The following JMJD1C variants were observed in gnomAD, a reference collection of about 807,000 sequenced individuals.
JMJD1C encodes the protein jumonji domain-containing protein 1C.
Under a neutral mutation model 245.3 loss-of-function variants are expected in JMJD1C, and 31 were observed. The observed-to-expected ratio is 0.13, with a 90% CI of 0.09 to 0.17. The LOEUF (loss-of-function observed/expected upper bound fraction) is 0.17, where lower values mean the gene tolerates loss of function less well. JMJD1C is among the 10% of genes least tolerant of loss of function. The pLI is 1.00. For missense variants in JMJD1C, 2,691 were observed against 3,000.2 expected (o/e 0.90, Z 2.41); for synonymous variants, 1,057 against 1,017.4 (o/e 1.04, Z -0.74).
chr10:63,480,483 T>C (rs1953797937), intron 1 of JMJD1C, among the ~76,000 whole-genome samples: 1 of 152,042 alleles, frequency 6.6e-6, no homozygotes, highest in Non-Finnish European at 1.5e-5. Flanking sequence ...ACACCTGGCC[T>C]AAACTATAGT....
intron 3 of JMJD1C, among the ~76,000 whole-genome samples, chr10:63,243,852 C>T (rs749167108): frequency 4.1e-4 from 62 of 152,222 alleles, no homozygotes; most frequent in Non-Finnish European, 8.1e-4. Flanking sequence ...GAGAATTGGA[C>T]TTTCTATTTA....
intron 1 of JMJD1C, among the ~76,000 whole-genome samples, chr10:63,461,205 G>A (rs546325720): frequency 1.3e-5 from 2 of 152,256 alleles, no homozygotes; most frequent in African/African-American, 4.8e-5. Context: ...GTGAAAAATA[G>A]TTGGCATACT....
intron 3 of JMJD1C, among the ~76,000 whole-genome samples, chr10:63,221,533 G>A (rs970935367): frequency 6.6e-6 from 1 of 152,158 alleles, no homozygotes; most frequent in African/African-American, 2.4e-5. Flanking sequence ...GGCAAAATCT[G>A]TCATTTTGGG....
chr10:63,206,358 A>G (rs1846620487), intron 10 of JMJD1C, among the ~76,000 whole-genome samples: 1 of 152,220 alleles, frequency 6.6e-6, no homozygotes. Context: ...CTGTCAGGTA[A>G]GATATATATT....
At chr10:63,515,859 CCT>C (rs1955001624) in intron 1 of JMJD1C, among the ~76,000 whole-genome samples, 1 of 151,976 alleles carries the variant, frequency 6.6e-6, no homozygotes, top group Non-Finnish European at 1.5e-5. Context: ...GACAAAAAAC[CCT>C]CTGTCAGGTT....
chr10:63,278,562 A>AAAC (rs1564725904), intron 2 of JMJD1C, among the ~76,000 whole-genome samples: 5 of 147,896 alleles, frequency 3.4e-5, no homozygotes, highest in Admixed American at 2.0e-4. Context: ...AACAAACAAA[A>AAAC]AAAAGAGTAC....
intron 2 of JMJD1C, among the ~76,000 whole-genome samples, chr10:63,268,000 C>T (rs1855820220): frequency 6.6e-6 from 1 of 151,944 alleles, no homozygotes; most frequent in South Asian, 2.1e-4. Context: ...CACAACTCAG[C>T]TGCTCAAACA....
intron 1 of JMJD1C, among the ~76,000 whole-genome samples, chr10:63,451,381 A>T (rs1437544753): frequency 6.6e-5 from 10 of 152,164 alleles, no homozygotes; most frequent in Non-Finnish European, 2.9e-5. Context: ...AACTTACTAC[A>T]AACCCACAGT....
intron 2 of JMJD1C, among the ~76,000 whole-genome samples, chr10:63,340,510 TATTAAAAAGAGAGAAGGC>T (rs1184097631): frequency 6.6e-6 from 1 of 152,238 alleles, no homozygotes; most frequent in East Asian, 1.9e-4. Flanking sequence ...GGGTAACGGT[TATTAAAAAGAGAGAAGGC>T]ATTTATGTTT....
At chr10:63,488,525 A>C (rs1303963846) in intron 1 of JMJD1C, among the ~76,000 whole-genome samples, 1 of 105,220 alleles carries the variant, frequency 9.5e-6, no homozygotes, top group Non-Finnish European at 2.0e-5. Flanking sequence ...TTTCAAAATG[A>C]GTTGAAAATG....
At chr10:63,230,371 T>A (rs1849811895) in intron 3 of JMJD1C, among the ~76,000 whole-genome samples, 1 of 152,084 alleles carries the variant, frequency 6.6e-6, no homozygotes, top group Admixed American at 6.5e-5. Context: ...AGACTCTGTT[T>A]CGAAAAAATT....
intron 1 of JMJD1C, among the ~76,000 whole-genome samples, chr10:63,519,461 C>T (rs1488370500): frequency 6.6e-6 from 1 of 152,176 alleles, no homozygotes; most frequent in South Asian, 2.1e-4. Flanking sequence ...TTTTATTGGA[C>T]GTTTACCCTA....
rs576145342 is a variant in JMJD1C, at chr10:63,412,994, T to C, written c.169-32512A>G. ...ATACGAGGGATGATATTGATTTAAT[T>C]AAAATAAATAAGAAAAAGCCGAAAC... On this transcript the variant is annotated intron_variant, in intron 1 of 25. Coordinates refer to ENST00000399262, the MANE Select transcript of JMJD1C (RefSeq NM_032776.3). Among the ~76,000 whole-genome samples the C allele has an allele frequency of 2.6e-5, 4 of 152,078 alleles. No homozygotes were observed. The East Asian group carries it at 5.8e-4, about 22-fold the overall frequency.
At chr10:63,267,737 AGAGT>A (rs1329681923) in intron 2 of JMJD1C, among the ~76,000 whole-genome samples, 2 of 152,206 alleles carry the variant, frequency 1.3e-5, no homozygotes, top group Non-Finnish European at 2.9e-5. Flanking sequence ...CAATTTTATT[AGAGT>A]GAGAGTTTTT....
rs375290200 is a variant in JMJD1C at position 63,208,568 on chromosome 10, G to A, written c.3101C>T (p.Pro1034Leu). The A allele has an allele frequency of 9.3e-6, 15 of 1,613,830 alleles. No individual in the cohort carries two copies. In the African/African-American group the frequency reaches 1.6e-4, roughly 17 times the overall value. ...RILQESIDVA[P>L]FTTKIKGLEG... is the part of the protein sequence containing the mutation. ...AAGTCCCTTGATTTTAGTTGTAAAG[G>A]GAGCAACATCAATACTTTCTTGAAG... The change falls in exon 10 of 26, where the codon CCC becomes CTC. Residue 1034 changes from proline (P) to leucine (L), a missense_variant. Around this residue, in one of 9 missense-constraint regions of JMJD1C, gnomAD observed 1,562 missense variants for 1,490.7 expected, o/e 1.05. Coordinates refer to ENST00000399262, the MANE Select transcript of JMJD1C (RefSeq NM_032776.3).
At position 63,215,379 on chromosome 10, in the gene JMJD1C, G is replaced by A. The variant is rs34430682; in HGVS notation, c.899C>T (p.Thr300Ile). ...ACTTCTTTGTTGCTGTTGCTGGTGT[G>A]TATTCTGTTTTGGTACAGCAGCTTG... The part of the protein sequence containing the change: ...NSQAAVPKQN[T>I]HQQQQQRSIR... The change falls in exon 7 of 26, where the codon ACA (threonine) becomes ATA (isoleucine). Residue 300 changes from threonine (T) to isoleucine (I), a missense_variant. Physicochemically the swap from Thr to Ile is moderately conservative, Grantham distance 89 (BLOSUM62 -1). Coordinates refer to ENST00000399262, the MANE Select transcript of JMJD1C (RefSeq NM_032776.3). 1 of 1,614,056 alleles carries A rather than the reference G, an allele frequency of 6.2e-7. No homozygotes were observed. The highest frequency in any genetic ancestry group is 8.5e-7 in the Non-Finnish European group (1 of 1,179,998).
chr10:63,299,886 A>G (rs1260605448), intron 2 of JMJD1C, among the ~76,000 whole-genome samples: 2 of 150,314 alleles, frequency 1.3e-5, no homozygotes, highest in Non-Finnish European at 3.0e-5. Flanking sequence ...TTGAATTTTC[A>G]GTTTTTTTTT....
chr10:63,253,603 T>TTTGAACTC (rs1309443396), intron 3 of JMJD1C, among the ~76,000 whole-genome samples: 1 of 152,060 alleles, frequency 6.6e-6, no homozygotes, highest in African/African-American at 2.4e-5. Context: ...CTAGGCTGGT[T>TTTGAACTC]TTGAACTCCT....
At chr10:63,305,165 G>A (rs565535365) in intron 2 of JMJD1C, among the ~76,000 whole-genome samples, 20 of 151,866 alleles carry the variant, frequency 1.3e-4, no homozygotes, top group African/African-American at 2.2e-4. Context: ...TCAGGAGATC[G>A]AGACCATCCT....
Sources: allele counts gnomAD v4.1 joint callset (sites outside exome capture counted in the v4.1 genomes callset), GRCh38; gene constraint gnomAD v4.1.1; regional missense constraint gnomAD v4.1.1; transcripts MANE v1.5; gene names NCBI Gene and HGNC (gene_info 2026-07-23, HGNC 2026-07-21).